JMJD1C: variants seen among roughly 807,000 people sequenced by gnomAD.
JMJD1C encodes jumonji domain containing 1C, also known as jumonji domain-containing protein 1C.
Under a neutral mutation model 245.3 loss-of-function variants are expected in JMJD1C, and 31 were observed. The observed-to-expected ratio is 0.13, with a 90% confidence interval of 0.09 to 0.17. JMJD1C has a LOEUF of 0.17. JMJD1C is among the 10% of genes least tolerant of loss of function. The pLI, the probability that JMJD1C is intolerant of heterozygous loss-of-function variation, is 1.00. For missense variants in JMJD1C, 2,691 were observed against 3,000.2 expected (o/e 0.90, Z 2.41); for synonymous variants, 1,057 against 1,017.4 (o/e 1.04, Z -0.74).
At chr10:63,358,019 T>G (rs1397369380) in intron 2 of JMJD1C, among the ~76,000 whole-genome samples, 5 of 151,002 alleles carry the variant, frequency 3.3e-5, no homozygotes, top group South Asian at 2.1e-4. Context: ...AGGAGAAAAA[T>G]GGAATCAACA....
At chr10:63,484,057 G>T (rs1953906664) in intron 1 of JMJD1C, among the ~76,000 whole-genome samples, 1 of 152,106 alleles carries the variant, frequency 6.6e-6, no homozygotes, top group South Asian at 2.1e-4. Flanking sequence ...AGAATAACAT[G>T]CCTAAGTTAT....
intron 2 of JMJD1C, among the ~76,000 whole-genome samples, chr10:63,325,499 C>T (rs1011507576): frequency 7.9e-5 from 12 of 152,168 alleles, no homozygotes; most frequent in African/African-American, 2.9e-4. Context: ...ACACCACCCA[C>T]CCAGCTAATT....
intron 1 of JMJD1C, among the ~76,000 whole-genome samples, chr10:63,473,656 G>A (rs916658619): frequency 3.9e-5 from 6 of 152,130 alleles, no homozygotes; most frequent in African/African-American, 1.4e-4. Flanking sequence ...ACTTATTGTT[G>A]TAAAGCTGAA....
At chr10:63,323,151 C>T (rs1220372160) in intron 2 of JMJD1C, among the ~76,000 whole-genome samples, 6 of 152,128 alleles carry the variant, frequency 3.9e-5, no homozygotes, top group Non-Finnish European at 7.4e-5. Context: ...GCTGTAATGA[C>T]AGCTATGATG....
In JMJD1C at chr10:63,194,755, C is replaced by T. The variant is rs573808062; in HGVS notation, c.5645-380G>A. On this transcript the variant is annotated intron_variant, in intron 13 of 25. Coordinates refer to ENST00000399262, the MANE Select transcript of JMJD1C (RefSeq NM_032776.3). ...GCCTGATCCTAGTACATCAGACTGA[C>T]ACAGTTTGAGATGACTGTTAATTCA... 1.7e-5 allele frequency: 3 copies of T among 175,248 alleles called. No homozygotes were observed. The East Asian group carries it at 4.3e-4, about 25-fold the overall frequency. 10.9% of individuals were successfully genotyped at this position (175,248 alleles called of 1,614,324 possible).
chr10:63,486,103 G>C (rs967275840), intron 1 of JMJD1C, among the ~76,000 whole-genome samples: 1 of 133,794 alleles, frequency 7.5e-6, no homozygotes, highest in Admixed American at 8.4e-5. Flanking sequence ...CCAAAGACGT[G>C]GAGAAGGGGA....
At chr10:63,233,162 A>C (rs1464717055) in intron 3 of JMJD1C, among the ~76,000 whole-genome samples, 1 of 152,192 alleles carries the variant, frequency 6.6e-6, no homozygotes, top group Non-Finnish European at 1.5e-5. Context: ...AATTTAATGG[A>C]ATCTCAAGGC....
At chr10:63,232,213 T>A (rs1850112174) in intron 3 of JMJD1C, among the ~76,000 whole-genome samples, 2 of 152,172 alleles carry the variant, frequency 1.3e-5, no homozygotes, top group African/African-American at 4.8e-5. Flanking sequence ...AACAATCATC[T>A]TCTCAATATA....
chr10:63,300,891 C>CAAA (rs59953949), intron 2 of JMJD1C, among the ~76,000 whole-genome samples: 1 of 140,048 alleles, frequency 7.1e-6, no homozygotes, highest in African/African-American at 2.7e-5. Context: ...GACTCTGTCT[C>CAAA]AAAAAAAAAA....
intron 2 of JMJD1C, among the ~76,000 whole-genome samples, chr10:63,339,573 G>C (rs1943182422): frequency 6.6e-6 from 1 of 152,028 alleles, no homozygotes; most frequent in South Asian, 2.1e-4. Flanking sequence ...CCTTGAGTCA[G>C]GGAGTTCAAG....
intron 2 of JMJD1C, among the ~76,000 whole-genome samples, chr10:63,363,397 T>A (rs1175260858): frequency 6.6e-6 from 1 of 151,882 alleles, no homozygotes; most frequent in African/African-American, 2.4e-5. Context: ...TAGCTGGGAT[T>A]AGAGATGCAT....
chr10:63,455,343 T>C (rs1952344352), intron 1 of JMJD1C, among the ~76,000 whole-genome samples: 1 of 152,176 alleles, frequency 6.6e-6, no homozygotes, highest in Admixed American at 6.5e-5. Context: ...ATTCTGCACG[T>C]TAAAGCTTAA....
chr10:63,414,645 T>C (rs12098241), intron 1 of JMJD1C, among the ~76,000 whole-genome samples: 21,778 of 152,016 alleles, frequency 0.14, 3,673 homozygotes, highest in African/African-American at 0.41. Context: ...CCCAACACTT[T>C]GGGAGGCTGA....
rs1197610996 is a variant in JMJD1C at position 63,208,650 on chromosome 10, G to T, written c.3019C>A (p.Pro1007Thr). 1 of 1,613,978 alleles carries T rather than the reference G, an allele frequency of 6.2e-7. No homozygotes were observed. Among genetic ancestry groups the T allele is most frequent in the Middle Eastern group, 1.6e-4 (1 of 6,062 alleles). The change falls in exon 10 of 26, where the codon CCA becomes ACA. Residue 1007 changes from proline (P) to threonine (T), a missense_variant. Physicochemically the swap from Pro to Thr is conservative, Grantham distance 38 (BLOSUM62 -1). Coordinates refer to ENST00000399262, the MANE Select transcript of JMJD1C (RefSeq NM_032776.3). ...VDPVLNQLQR[P>T]PQETGERLNK... is the part of the protein sequence containing the mutation. ...AACCTCTCTCCAGTCTCCTGGGGTG[G>T]CCTCTGTAACTGATTTAATACTGGA...
chr10:63,371,675 TATAAC>T (rs1315361731), intron 2 of JMJD1C, among the ~76,000 whole-genome samples: 4 of 122,018 alleles, frequency 3.3e-5, no homozygotes, highest in Non-Finnish European at 5.8e-5. Context: ...TTATGGTTCT[TATAAC>T]ATAATACTTT....
intron 1 of JMJD1C, among the ~76,000 whole-genome samples, chr10:63,392,865 T>TAAACACACAC (rs1554918123): frequency 3.4e-4 from 9 of 26,312 alleles, no homozygotes; most frequent in Non-Finnish European, 6.6e-4. Context: ...AAAAAGTACA[T>TAAACACACAC]AAACACACAC....
chr10:63,200,515 G>A lies in JMJD1C; in HGVS notation c.5237C>T (p.Ala1746Val), dbSNP rs1284741634. The A allele has an allele frequency of 6.2e-7, 1 of 1,613,840 alleles. No individual in the cohort carries two copies. The highest frequency in any genetic ancestry group is 1.7e-5 in the Admixed American group (1 of 59,998). Reference protein sequence around the residue: ...LIRSKKGEEPAHSPVFCRFYY... With the variant: ...LIRSKKGEEPVHSPVFCRFYY... Reference sequence around the variant, plus strand: ...AAATCTACAAAATACTGGTGAGTGAGCTGGTTCTTCTCCTTTTTTACTGCG... The same window carrying A: ...AAATCTACAAAATACTGGTGAGTGAACTGGTTCTTCTCCTTTTTTACTGCG... The change falls in exon 11 of 26, where the codon GCT becomes GTT. Residue 1746 changes from alanine (A) to valine (V), a missense_variant. Around this residue, in one of 9 missense-constraint regions of JMJD1C, gnomAD observed 139 missense variants for 270.5 expected, o/e 0.51. Transcript: ENST00000399262.
At chr10:63,393,247 AAC>A (rs1347357502) in intron 1 of JMJD1C, among the ~76,000 whole-genome samples, 1 of 152,164 alleles carries the variant, frequency 6.6e-6, no homozygotes, top group African/African-American at 2.4e-5. Context: ...CAGCCTGGGC[AAC>A]AGAGTGAGAT....
intron 3 of JMJD1C, among the ~76,000 whole-genome samples, chr10:63,250,354 T>C (rs920986267): frequency 2.0e-5 from 3 of 152,124 alleles, no homozygotes; most frequent in Non-Finnish European, 4.4e-5. Context: ...TAAGTACGTA[T>C]ATTTATAGAC....
Sources: gnomAD v4.1 joint callset for allele counts (sites outside exome capture counted in the v4.1 genomes callset) on GRCh38, gnomAD v4.1.1 for gene constraint, gnomAD v4.1.1 regional missense constraint, MANE v1.5 for transcripts, NCBI Gene and HGNC (gene_info 2026-07-23, HGNC 2026-07-21) for gene names.